The following HYDIN variants were observed in gnomAD, a reference collection of about 807,000 sequenced individuals.
The protein encoded by HYDIN is HYDIN axonemal central pair apparatus protein, also known as axonemal central pair apparatus protein HYDIN.
HYDIN carries 132 observed loss-of-function variants against 403.9 expected under a neutral mutation model. That is an observed-to-expected ratio of 0.33 (90% CI 0.28 to 0.38). The LOEUF (loss-of-function observed/expected upper bound fraction) is 0.38. Among genes scored for constraint, HYDIN ranks in the 10% least tolerant of loss-of-function variants. HYDIN has a pLI of 1.00. For synonymous variants in HYDIN, 1,202 were observed against 1,891.7 expected (o/e 0.64, Z 9.46); for missense variants, 2,827 against 5,009.5 (o/e 0.56, Z 13.15).
At chr16:71,054,653 A>C (rs1057487126) in intron 18 of HYDIN, among the ~76,000 whole-genome samples, 1 of 151,362 alleles carries the variant, frequency 6.6e-6, no homozygotes, top group African/African-American at 2.4e-5. Context: ...CACAATTTTC[A>C]CTCTCTCTGA....
rs762397353 is a variant in HYDIN, at chr16:70,806,093, AGTTT to A, written c.*1483_*1486del. ...GCTTGTGTTCAAGGAAACCTTATTTAGTTTAATAATGGCCCCAAAGCACATGGGT... is the reference window on the plus strand; with the variant it reads ...GCTTGTGTTCAAGGAAACCTTATTTAAATAATGGCCCCAAAGCACATGGGT... On this transcript the variant is annotated 3_prime_UTR_variant, in exon 86 of 86. Coordinates refer to ENST00000393567, the MANE Select transcript of HYDIN (RefSeq NM_001270974.2). Among the ~76,000 whole-genome samples, 15 of 152,346 alleles carry A rather than the reference AGTTT, an allele frequency of 9.8e-5. No individual in the cohort carries two copies. In the South Asian group the frequency reaches 1.5e-3, roughly 15 times the overall value.
rs1286862306 is a variant in HYDIN at position 70,860,810 on chromosome 16, A to G, written c.11869T>C (p.Ser3957Pro). ...CGCTGATGGCCACTTATGTAGTCCG[A>G]GTCTTTCAGATCAAAATGGCAGATG... ...LPICHFDLKD[S>P]DYISGHQRNP... Residue 3957 changes from serine to proline, a missense_variant, in exon 70 of 86, where the codon TCG (serine) becomes CCG (proline). By Grantham distance (74) the Ser-to-Pro change is moderately conservative. Transcript: ENST00000393567. The G allele has an allele frequency of 1.6e-6, 1 of 644,638 alleles. No homozygotes were observed. Among genetic ancestry groups the G allele is most frequent in the Non-Finnish European group, 2.7e-6 (1 of 372,222 alleles). 39.9% of individuals were successfully genotyped at this position (644,638 alleles called of 1,614,324 possible). A position where few individuals can be genotyped will look rare whatever the true frequency, so the allele number is the denominator to read the frequency against.
At chr16:71,069,912 C>T (rs1228684117) in intron 13 of HYDIN, among the ~76,000 whole-genome samples, 1 of 152,190 alleles carries the variant, frequency 6.6e-6, no homozygotes. Context: ...ATCATGCTTG[C>T]TGTTTTTATT....
chr16:70,894,138 C>T (rs1237138875), intron 55 of HYDIN: 1 of 282,766 alleles, frequency 3.5e-6, no homozygotes, highest in Admixed American at 5.2e-5. Context: ...CCTATGGTTC[C>T]AACTGGCCAG....
chr16:71,018,769 A>G, intron 22 of HYDIN, among the ~76,000 whole-genome samples: 1 of 152,306 alleles, frequency 6.6e-6, no homozygotes, highest in Admixed American at 6.5e-5. Flanking sequence ...GGGTTATAAG[A>G]ATTGAGGAGT....
At chr16:71,159,523 G>T (rs1218521041) in intron 6 of HYDIN, among the ~76,000 whole-genome samples, 189 of 58,572 alleles carry the variant, frequency 3.2e-3, no homozygotes, top group Non-Finnish European at 4.5e-3. Context: ...GAAGCTCAGA[G>T]AACCTCAAGC....
chr16:70,958,228 A>C (rs1374185013), intron 39 of HYDIN, among the ~76,000 whole-genome samples: 1 of 151,984 alleles, frequency 6.6e-6, no homozygotes, highest in African/African-American at 2.4e-5. Context: ...TTCTAACTTC[A>C]CCATAAACAA....
At chr16:70,975,716 G>C (rs1358033249) in intron 30 of HYDIN, among the ~76,000 whole-genome samples, 1 of 80,690 alleles carries the variant, frequency 1.2e-5, no homozygotes, top group East Asian at 3.5e-4. Flanking sequence ...CAGGGAGAGA[G>C]GGGTGGATGT....
chr16:71,184,733 G>T (rs895110755), intron 3 of HYDIN, 132 bp downstream of exon 3: 1 of 698,068 alleles, frequency 1.4e-6, no homozygotes, highest in Non-Finnish European at 2.3e-6. Context: ...ACATTCAGAG[G>T]CAGAAAAGGA....
At chr16:71,222,157 C>G (rs2040833598) in intron 1 of HYDIN, among the ~76,000 whole-genome samples, 2 of 152,094 alleles carry the variant, frequency 1.3e-5, no homozygotes, top group East Asian at 3.9e-4. Flanking sequence ...TGGGTTTCAT[C>G]CCAGGAATGC....
At chr16:71,217,587 T>C (rs1454866547) in intron 1 of HYDIN, among the ~76,000 whole-genome samples, 1 of 152,198 alleles carries the variant, frequency 6.6e-6, no homozygotes, top group African/African-American at 2.4e-5. Flanking sequence ...ACAGTTCCTA[T>C]GCAGATGAGA....
chr16:70,866,628 T>G (rs941706890), intron 66 of HYDIN, among the ~76,000 whole-genome samples: 1 of 152,056 alleles, frequency 6.6e-6, no homozygotes, highest in Admixed American at 6.6e-5. Context: ...AATATATAAG[T>G]GAACATCTTT....
intron 84 of HYDIN, among the ~76,000 whole-genome samples, chr16:70,810,929 T>C (rs1450578539): frequency 1.3e-5 from 2 of 152,200 alleles, no homozygotes; most frequent in African/African-American, 4.8e-5. Context: ...CAGAAATGCA[T>C]ATATAGTATG....
Position 71,230,639 on chromosome 16 carries a change from C to T in HYDIN, c.-101G>A. Reference sequence around the variant, plus strand: ...CCCGCGTCCAACTCACAGACCCCGCCGCCGCTGAGGGGCTCCATACCCAGC... The same window carrying T: ...CCCGCGTCCAACTCACAGACCCCGCTGCCGCTGAGGGGCTCCATACCCAGC... On this transcript the variant is annotated 5_prime_UTR_variant, in exon 1 of 86. Coordinates refer to ENST00000393567, the MANE Select transcript of HYDIN (RefSeq NM_001270974.2). The T allele has an allele frequency of 1.3e-6, 2 of 1,536,058 alleles. No individual in the cohort carries two copies. Among genetic ancestry groups the T allele is most frequent in the South Asian group, 1.2e-5 (1 of 84,060 alleles).
intron 1 of HYDIN, among the ~76,000 whole-genome samples, chr16:71,189,668 G>T (rs1389995090): frequency 6.6e-6 from 1 of 151,508 alleles, no homozygotes; most frequent in Non-Finnish European, 1.5e-5. Flanking sequence ...TCAGGAGGCT[G>T]AGGCAGGAGA....
chr16:70,984,712 T>C (rs1377289297), intron 28 of HYDIN, among the ~76,000 whole-genome samples: 3 of 136,132 alleles, frequency 2.2e-5, no homozygotes, highest in African/African-American at 9.3e-5. Context: ...GCTATTTTCA[T>C]AATGAGAAAA....
intron 64 of HYDIN, among the ~76,000 whole-genome samples, chr16:70,872,561 T>C (rs1597182522): frequency 1.7e-5 from 2 of 120,192 alleles, no homozygotes; most frequent in African/African-American, 6.5e-5. Flanking sequence ...CCATCCACCC[T>C]CCCCCATCCT....
intron 41 of HYDIN, among the ~76,000 whole-genome samples, chr16:70,946,866 T>C (rs1171540643): frequency 2.6e-5 from 4 of 152,068 alleles, no homozygotes; most frequent in East Asian, 1.9e-4. Context: ...AAGATCAGGA[T>C]TGTGATTTTT....
chr16:71,183,431 T>C (rs972108553), intron 3 of HYDIN, among the ~76,000 whole-genome samples: 3 of 151,940 alleles, frequency 2.0e-5, no homozygotes, highest in African/African-American at 7.3e-5. Flanking sequence ...TTTCTAAAAA[T>C]AAAATAAAGG....
Sources: gnomAD v4.1 joint callset for allele counts (sites outside exome capture counted in the v4.1 genomes callset) on GRCh38, gnomAD v4.1.1 for gene constraint, MANE v1.5 for transcripts, NCBI Gene and HGNC (gene_info 2026-07-23, HGNC 2026-07-21) for gene names.